Variants in THSD7B observed in about 807,000 individuals in gnomAD.
THSD7B encodes thrombospondin type 1 domain containing 7B, also known as thrombospondin type-1 domain-containing protein 7B.
THSD7B carries 138 observed loss-of-function variants against 213.6 expected under a neutral mutation model. The observed-to-expected ratio is 0.65, with a 90% CI of 0.56 to 0.74. The LOEUF is 0.74. Among genes scored for constraint, THSD7B ranks in the 30% least tolerant of loss-of-function variants. The probability of loss-of-function intolerance (pLI) is 0.00; values close to 1 mark genes in which losing one functional copy is unlikely to be tolerated. For synonymous variants in THSD7B, 742 were observed against 687.0 expected (o/e 1.08, Z -1.25); for missense variants, 1,931 against 1,991.5 (o/e 0.97, Z 0.58).
intron 20 of THSD7B, among the ~76,000 whole-genome samples, chr2:137,633,525 T>C (rs1245959888): frequency 6.6e-6 from 1 of 152,170 alleles, no homozygotes; most frequent in Non-Finnish European, 1.5e-5. Context: ...ATGGATTAGA[T>C]GAGATCTATT....
At chr2:136,888,942 G>GT (rs1262577501) in intron 2 of THSD7B, among the ~76,000 whole-genome samples, 1 of 76,336 alleles carries the variant, frequency 1.3e-5, no homozygotes, top group Non-Finnish European at 3.6e-5. Flanking sequence ...ACTGTCTTTT[G>GT]GGGTGTGTGT....
chr2:137,459,066 C>T lies in THSD7B; in HGVS notation c.3138+8043C>T, dbSNP rs527362300. ...CAAAAAATTTTGAAATCTGTGTGTCCTTTTTTCACCATACACATTTTCCAT... is the reference window on the plus strand; with the variant it reads ...CAAAAAATTTTGAAATCTGTGTGTCTTTTTTTCACCATACACATTTTCCAT... On this transcript the variant is annotated intron_variant, in intron 15 of 27. Coordinates refer to ENST00000409968, the MANE Select transcript of THSD7B (RefSeq NM_001316349.2). Among the ~76,000 whole-genome samples, 23 of 151,826 alleles carry T rather than the reference C, an allele frequency of 1.5e-4. No homozygotes were observed. In the East Asian group the frequency reaches 2.7e-3, roughly 18 times the overall value.
At chr2:137,570,584 T>C (rs1331469049) in intron 16 of THSD7B, among the ~76,000 whole-genome samples, 1 of 152,216 alleles carries the variant, frequency 6.6e-6, no homozygotes, top group African/African-American at 2.4e-5. Context: ...AAGTGCAGGA[T>C]AATTCATTAG....
chr2:137,553,291 A>T (rs1680885893), intron 15 of THSD7B, among the ~76,000 whole-genome samples: 1 of 151,952 alleles, frequency 6.6e-6, no homozygotes, highest in African/African-American at 2.4e-5. Flanking sequence ...TAAATTTTCT[A>T]TTTTTTTAAT....
intron 15 of THSD7B, among the ~76,000 whole-genome samples, chr2:137,482,629 C>A (rs993424359): frequency 5.9e-5 from 9 of 151,766 alleles, no homozygotes; most frequent in African/African-American, 2.2e-4. Context: ...TATGACTGGC[C>A]ATCTGGCAGT....
At chr2:136,954,740 T>TAAAAAAAAAAAAAAAAAAAAAAAAAAAAG (rs773677139) in intron 2 of THSD7B, among the ~76,000 whole-genome samples, 12 of 137,482 alleles carry the variant, frequency 8.7e-5, no homozygotes, top group African/African-American at 3.7e-4. Context: ...AAAAAGAAAT[T>TAAAAAAAAAAAAAAAAAAAAAAAAAAAAG]ACATAAGAGC....
At chr2:137,544,749 G>T (rs1680676004) in intron 15 of THSD7B, among the ~76,000 whole-genome samples, 1 of 151,488 alleles carries the variant, frequency 6.6e-6, no homozygotes, top group Non-Finnish European at 1.5e-5. Flanking sequence ...AATAGTTAAT[G>T]GCTTAATTTT....
chr2:136,882,392 T>G (rs1573686943), intron 2 of THSD7B, 75 bp downstream of exon 2: 1 of 1,336,736 alleles, frequency 7.5e-7, no homozygotes, highest in South Asian at 2.1e-5. Flanking sequence ...TTCTTCTTCT[T>G]CTTTCTAAAG....
At chr2:137,462,345 G>A (rs1687901799) in intron 15 of THSD7B, among the ~76,000 whole-genome samples, 1 of 152,032 alleles carries the variant, frequency 6.6e-6, no homozygotes, top group South Asian at 2.1e-4. Context: ...AAATGTAACA[G>A]CATTCACTCA....
chr2:136,964,333 G>A (rs1287512921), intron 2 of THSD7B, among the ~76,000 whole-genome samples: 4 of 152,088 alleles, frequency 2.6e-5, no homozygotes, highest in Non-Finnish European at 5.9e-5. Context: ...GCTGAGGCAG[G>A]AGGATTGCCC....
chr2:137,621,810 G>A (rs1285134322), intron 20 of THSD7B, among the ~76,000 whole-genome samples: 1 of 152,164 alleles, frequency 6.6e-6, no homozygotes, highest in East Asian at 1.9e-4. Flanking sequence ...AAGAAAATTG[G>A]TTTATTTGGC....
chr2:137,116,567 A>G (rs967222490), intron 5 of THSD7B, among the ~76,000 whole-genome samples: 4 of 152,306 alleles, frequency 2.6e-5, no homozygotes, highest in East Asian at 1.9e-4. Context: ...TTGATGCATT[A>G]TGACCTACCT....
At chr2:136,838,623 T>TC (rs1249610426) in intron 1 of THSD7B, among the ~76,000 whole-genome samples, 2 of 152,180 alleles carry the variant, frequency 1.3e-5, no homozygotes, top group Non-Finnish European at 2.9e-5. Context: ...TCCTCTGCCT[T>TC]CCCCATCCTC....
intron 15 of THSD7B, among the ~76,000 whole-genome samples, chr2:137,454,440 A>G (rs112313072): frequency 0.038 from 5,593 of 148,758 alleles, 134 homozygotes; most frequent in African/African-American, 0.064. Context: ...CTATCTATCT[A>G]TCTATCTATC....
intron 15 of THSD7B, among the ~76,000 whole-genome samples, chr2:137,462,848 T>C (rs1323349201): frequency 6.8e-6 from 1 of 147,480 alleles, no homozygotes; most frequent in East Asian, 2.0e-4. Flanking sequence ...CATGAAGTGC[T>C]TCCTTTAAGT....
intron 16 of THSD7B, 55 bp downstream of exon 16, chr2:137,563,409 T>C: frequency 1.3e-6 from 2 of 1,596,164 alleles, no homozygotes; most frequent in Non-Finnish European, 1.7e-6. Context: ...TTATACATTT[T>C]TTATAAAAAC....
At chr2:137,642,289 C>A in intron 20 of THSD7B, 199 bp from the exon 21 acceptor site, 2 of 551,116 alleles carry the variant, frequency 3.6e-6, no homozygotes, top group Non-Finnish European at 6.1e-6. Flanking sequence ...AATTTCAGAT[C>A]CTTTAAGCAT....
At chr2:137,456,897 C>T (rs571394414) in intron 15 of THSD7B, among the ~76,000 whole-genome samples, 1 of 152,302 alleles carries the variant, frequency 6.6e-6, no homozygotes, top group African/African-American at 2.4e-5. Context: ...TTGGAGGTGG[C>T]ATAAAATGCC....
chr2:137,370,669 A>G lies in THSD7B; in HGVS notation c.2501-34944A>G, dbSNP rs182631853. 2.0e-3 allele frequency among the ~76,000 whole-genome samples: 298 copies of G among 152,122 alleles called. 2 individuals carry two copies. The highest frequency in any genetic ancestry group is 6.2e-3 in the African/African-American group (258 of 41,522). On this transcript the variant is annotated intron_variant, in intron 12 of 27. Coordinates refer to ENST00000409968, the MANE Select transcript of THSD7B (RefSeq NM_001316349.2). Reference sequence around the variant, plus strand: ...TTTTTAGTAGAAAGGGGGTTTCACTATGTTGGCCAGGCTGGTCTTGAACTC... The same window carrying G: ...TTTTTAGTAGAAAGGGGGTTTCACTGTGTTGGCCAGGCTGGTCTTGAACTC...
Sources: allele counts gnomAD v4.1 joint callset (sites outside exome capture counted in the v4.1 genomes callset), GRCh38; gene constraint gnomAD v4.1.1; transcripts MANE v1.5; gene names NCBI Gene and HGNC (gene_info 2026-07-23, HGNC 2026-07-21).